NLGN1: variants seen among roughly 807,000 people sequenced by gnomAD.
NLGN1 encodes the protein neuroligin 1.
NLGN1 carries 12 observed loss-of-function variants against 65.5 expected under a neutral mutation model. That is an observed-to-expected ratio of 0.18 (90% CI 0.12 to 0.30). NLGN1 has a LOEUF of 0.30. Among genes scored for constraint, NLGN1 ranks in the 10% least tolerant of loss-of-function variants. The pLI, the probability that NLGN1 is intolerant of heterozygous loss-of-function variation, is 1.00. For missense variants in NLGN1, 750 were observed against 1,007.1 expected (o/e 0.74, Z 3.46); for synonymous variants, 350 against 359.5 (o/e 0.97, Z 0.30).
intron 3 of NLGN1, among the ~76,000 whole-genome samples, chr3:173,729,643 T>C (rs1173622513): frequency 6.6e-6 from 1 of 152,104 alleles, no homozygotes; most frequent in Non-Finnish European, 1.5e-5. Flanking sequence ...TTCTGCTGCT[T>C]GTAAAAGAAT....
chr3:174,144,420 G>T (rs1411422137), intron 4 of NLGN1, among the ~76,000 whole-genome samples: 1 of 151,986 alleles, frequency 6.6e-6, no homozygotes, highest in Non-Finnish European at 1.5e-5. Flanking sequence ...TAATCCTTTG[G>T]GTATATACCC....
chr3:173,790,139 G>A (rs1306272134), intron 3 of NLGN1, among the ~76,000 whole-genome samples: 5 of 151,936 alleles, frequency 3.3e-5, no homozygotes, highest in African/African-American at 7.3e-5. Context: ...TGAGTGGTTA[G>A]GTAGTTTCAA....
chr3:174,049,868 G>C (rs1394909888), intron 4 of NLGN1, among the ~76,000 whole-genome samples: 1 of 151,998 alleles, frequency 6.6e-6, no homozygotes, highest in Admixed American at 6.6e-5. Context: ...TTTTAATGTG[G>C]AGAGCTAAAG....
chr3:174,273,886 C>CTT (rs1368789198), intron 4 of NLGN1, among the ~76,000 whole-genome samples: 4 of 151,016 alleles, frequency 2.6e-5, no homozygotes, highest in Admixed American at 1.3e-4. Flanking sequence ...TAGAGAATTT[C>CTT]TTATCCATAT....
In NLGN1 at chr3:173,942,136, GTGTGTA is replaced by G. The variant is rs1467049165; in HGVS notation, c.646+134310_646+134315del. Among the ~76,000 whole-genome samples, 511 of 145,140 alleles carry G rather than the reference GTGTGTA, an allele frequency of 3.5e-3. 1 individual carries two copies. Among genetic ancestry groups the G allele is most frequent in the African/African-American group, 0.01 (419 of 40,058 alleles). On this transcript the variant is annotated intron_variant, in intron 4 of 6. Coordinates refer to ENST00000457714, the Ensembl canonical transcript of NLGN1. ...TGTGTGTGTGTGTGTGTGTGTGTGT[GTGTGTA>G]TGTGTGTGTGTGTGTATGTGTATAT...
intron 4 of NLGN1, among the ~76,000 whole-genome samples, chr3:173,996,622 A>G (rs79090956): frequency 6.6e-6 from 1 of 152,292 alleles, no homozygotes; most frequent in East Asian, 1.9e-4. Flanking sequence ...CGTTTTACAC[A>G]CTAACACCAA....
intron 1 of NLGN1, among the ~76,000 whole-genome samples, chr3:173,418,425 A>G (rs952812224): frequency 2.6e-5 from 4 of 152,230 alleles, no homozygotes; most frequent in African/African-American, 9.6e-5. Flanking sequence ...ATTTCAATGT[A>G]TATTCCTAAG....
At chr3:173,991,473 T>A (rs1264241832) in intron 4 of NLGN1, among the ~76,000 whole-genome samples, 1 of 152,174 alleles carries the variant, frequency 6.6e-6, no homozygotes, top group Non-Finnish European at 1.5e-5. Flanking sequence ...ATGAAAGAAA[T>A]GTTCTATATC....
intron 2 of NLGN1, among the ~76,000 whole-genome samples, chr3:173,538,307 A>G (rs1737797719): frequency 6.6e-6 from 1 of 152,188 alleles, no homozygotes; most frequent in Admixed American, 6.5e-5. Flanking sequence ...CTCTGAAACC[A>G]GCTGCTTCAG....
intron 4 of NLGN1, among the ~76,000 whole-genome samples, chr3:174,129,134 C>T (rs1441950146): frequency 2.6e-5 from 4 of 152,038 alleles, no homozygotes; most frequent in African/African-American, 9.7e-5. Flanking sequence ...CTTGTCTTGC[C>T]ACTCCTTACC....
chr3:174,007,559 G>C (rs960661186), intron 4 of NLGN1, among the ~76,000 whole-genome samples: 1 of 152,144 alleles, frequency 6.6e-6, no homozygotes, highest in Non-Finnish European at 1.5e-5. Flanking sequence ...CTTAGGATGG[G>C]TTATAGCCAA....
chr3:173,539,783 T>C (rs1475988528), intron 2 of NLGN1, among the ~76,000 whole-genome samples: 10 of 101,838 alleles, frequency 9.8e-5, no homozygotes, highest in African/African-American at 1.8e-4. Flanking sequence ...AACACATATA[T>C]ATGTACATAT....
chr3:173,641,497 A>T (rs1376783003), intron 3 of NLGN1, among the ~76,000 whole-genome samples: 7 of 152,096 alleles, frequency 4.6e-5, no homozygotes, highest in Admixed American at 4.6e-4. Context: ...GGGTTTCGCC[A>T]TGTTGGCCCG....
chr3:173,959,861 A>T (rs917671945), intron 4 of NLGN1, among the ~76,000 whole-genome samples: 6 of 152,066 alleles, frequency 3.9e-5, no homozygotes, highest in African/African-American at 1.4e-4. Context: ...ACTTTAAGGA[A>T]ATTGCTTTTA....
chr3:173,674,290 TTTG>T (rs769920156), intron 3 of NLGN1, among the ~76,000 whole-genome samples: 9 of 152,250 alleles, frequency 5.9e-5, no homozygotes, highest in African/African-American at 2.2e-4. Context: ...TGTCTAAAAT[TTTG>T]TTATTTTATA....
chr3:173,690,800 T>C (rs962828135), intron 3 of NLGN1, among the ~76,000 whole-genome samples: 1 of 152,140 alleles, frequency 6.6e-6, no homozygotes, highest in Non-Finnish European at 1.5e-5. Context: ...TACATAGATA[T>C]GTGACTAATT....
intron 4 of NLGN1, among the ~76,000 whole-genome samples, chr3:174,009,922 G>A (rs73880303): frequency 0.035 from 5,388 of 152,164 alleles, 333 homozygotes; most frequent in African/African-American, 0.12. Flanking sequence ...ATGCATAGGG[G>A]ACAGGGCATG....
At chr3:173,488,635 G>A (rs1728559050) in intron 2 of NLGN1, among the ~76,000 whole-genome samples, 2 of 152,026 alleles carry the variant, frequency 1.3e-5, no homozygotes, top group African/African-American at 4.8e-5. Context: ...TTGCTGTTGA[G>A]AAATCTGGTA....
At chr3:173,886,560 T>C (rs948510178) in intron 4 of NLGN1, among the ~76,000 whole-genome samples, 2 of 152,106 alleles carry the variant, frequency 1.3e-5, no homozygotes, top group African/African-American at 4.8e-5. Context: ...TCAGGATTCC[T>C]ACAGCTCTTA....
Sources: gnomAD v4.1 joint callset for allele counts (sites outside exome capture counted in the v4.1 genomes callset) on GRCh38, gnomAD v4.1.1 for gene constraint, MANE v1.5 for transcripts, NCBI Gene and HGNC (gene_info 2026-07-23, HGNC 2026-07-21) for gene names.